The following MIPEP variants were observed in gnomAD, a reference collection of about 807,000 sequenced individuals.
MIPEP encodes the protein mitochondrial intermediate peptidase.
A neutral mutation model predicts 90.3 loss-of-function variants in MIPEP; 79 were observed. That is an observed-to-expected ratio of 0.87 (90% confidence interval 0.73 to 1.05). MIPEP has a LOEUF of 1.05. MIPEP is among the 50% of genes least tolerant of loss of function. MIPEP has a pLI of 0.00. For synonymous variants in MIPEP, 334 were observed against 315.8 expected (o/e 1.06, Z -0.61); for missense variants, 940 against 905.6 (o/e 1.04, Z -0.49).
At chr13:23,755,315 A>G (rs527697845) in intron 18 of MIPEP, among the ~76,000 whole-genome samples, 2 of 152,330 alleles carry the variant, frequency 1.3e-5, no homozygotes, top group South Asian at 4.1e-4. Context: ...GCACTTCACA[A>G]ATATTTGCTG....
chr13:23,805,403 A>T (rs1042804259), intron 16 of MIPEP, among the ~76,000 whole-genome samples: 6 of 152,204 alleles, frequency 3.9e-5, no homozygotes, highest in Non-Finnish European at 8.8e-5. Context: ...ATATAATTTA[A>T]TTTATAAGGT....
chr13:23,749,721 G>A (rs75353297), intron 18 of MIPEP, among the ~76,000 whole-genome samples: 4,068 of 152,154 alleles, frequency 0.027, 175 homozygotes, highest in African/African-American at 0.091. Context: ...TATAACAACT[G>A]AAGCACGGAG....
At chr13:23,796,648 C>T (rs1296152550) in intron 16 of MIPEP, among the ~76,000 whole-genome samples, 2 of 151,998 alleles carry the variant, frequency 1.3e-5, no homozygotes, top group Admixed American at 1.3e-4. Flanking sequence ...TCTCTGCACT[C>T]TTCCATTATA....
intron 10 of MIPEP, among the ~76,000 whole-genome samples, chr13:23,846,301 C>T (rs7318721): frequency 1.3e-5 from 2 of 151,918 alleles, no homozygotes; most frequent in Admixed American, 1.3e-4. Context: ...GGGGGAATAG[C>T]TGCTATTAGT....
chr13:23,816,011 C>A (rs1335000292), intron 14 of MIPEP, among the ~76,000 whole-genome samples: 2 of 152,134 alleles, frequency 1.3e-5, no homozygotes, highest in Non-Finnish European at 2.9e-5. Flanking sequence ...TAGTTTTGAA[C>A]GAAAAGTCTA....
intron 14 of MIPEP, among the ~76,000 whole-genome samples, chr13:23,822,496 TC>T (rs1361717348): frequency 6.6e-6 from 1 of 152,190 alleles, no homozygotes; most frequent in African/African-American, 2.4e-5. Flanking sequence ...ATTCATCCTA[TC>T]CCGATGATGC....
chr13:23,858,513 G>A (rs1029777315), intron 10 of MIPEP, among the ~76,000 whole-genome samples: 1 of 143,126 alleles, frequency 7.0e-6, no homozygotes, highest in Non-Finnish European at 1.5e-5. Context: ...GTAGTACCAC[G>A]CCATGTACCA....
At chr13:23,885,392 G>C (rs1286837501) in intron 2 of MIPEP, among the ~76,000 whole-genome samples, 1 of 152,090 alleles carries the variant, frequency 6.6e-6, no homozygotes, top group Non-Finnish European at 1.5e-5. Flanking sequence ...GCACAACAGG[G>C]TGACTACAGT....
At chr13:23,829,296 C>T (rs980725756) in intron 14 of MIPEP, among the ~76,000 whole-genome samples, 2 of 152,116 alleles carry the variant, frequency 1.3e-5, no homozygotes, top group African/African-American at 2.4e-5. Context: ...GGGAAGATTG[C>T]TTGAGGCCAG....
At chr13:23,757,675 A>G (rs1481171106) in intron 17 of MIPEP, among the ~76,000 whole-genome samples, 1 of 152,142 alleles carries the variant, frequency 6.6e-6, no homozygotes, top group Non-Finnish European at 1.5e-5. Context: ...TGTGCGGGTG[A>G]TAAAGGCACA....
Position 23,805,968 on chromosome 13 carries a change from T to C in MIPEP, c.1830A>G (p.Leu610=). The change falls in exon 16 of 19, where the codon CTA becomes CTG. Residue 610 remains leucine, a synonymous_variant. Coordinates refer to ENST00000382172, the MANE Select transcript of MIPEP (RefSeq NM_005932.4). The part of the protein sequence containing the change: ...LKETQEKFYG[L]PYVPNTAWQL... ...GACTCACAGTATTTGGAACATATGGTAGGCCATAGAATTTCTCTTGTGTTT... is the reference window on the plus strand; with the variant it reads ...GACTCACAGTATTTGGAACATATGGCAGGCCATAGAATTTCTCTTGTGTTT... The C allele has an allele frequency of 6.2e-7, 1 of 1,614,012 alleles. No homozygotes were observed. The highest frequency in any genetic ancestry group is 8.5e-7 in the Non-Finnish European group (1 of 1,179,936).
chr13:23,888,579 C>T (rs1871627393), intron 1 of MIPEP: 1 of 431,624 alleles, frequency 2.3e-6, no homozygotes, highest in Non-Finnish European at 3.1e-6. Flanking sequence ...GGAAGTGAGA[C>T]TCGTCTCAAC....
intron 15 of MIPEP, among the ~76,000 whole-genome samples, chr13:23,806,716 A>C (rs369388095): frequency 6.8e-5 from 10 of 147,154 alleles, no homozygotes; most frequent in Non-Finnish European, 1.5e-4. Context: ...AAAAAAATCT[A>C]TATCTATCTA....
At chr13:23,763,605 T>G (rs1039672835) in intron 16 of MIPEP, among the ~76,000 whole-genome samples, 1 of 152,300 alleles carries the variant, frequency 6.6e-6, no homozygotes, top group Non-Finnish European at 1.5e-5. Flanking sequence ...CATCAGCTCA[T>G]AACTGAGTTC....
intron 16 of MIPEP, among the ~76,000 whole-genome samples, chr13:23,766,990 G>A (rs1384379286): frequency 2.6e-5 from 4 of 152,236 alleles, no homozygotes; most frequent in African/African-American, 9.6e-5. Context: ...AGGTGACCAT[G>A]TTGGGAAAGC....
At chr13:23,835,640 T>A (rs1869002809) in intron 14 of MIPEP, among the ~76,000 whole-genome samples, 2 of 152,218 alleles carry the variant, frequency 1.3e-5, no homozygotes, top group South Asian at 4.1e-4. Context: ...TCTTCCAATG[T>A]ACACATGGAC....
chr13:23,806,204 C>T, intron 15 of MIPEP, 135 bp from the exon 16 acceptor site: 1 of 892,192 alleles, frequency 1.1e-6, no homozygotes, highest in South Asian at 1.5e-5. Context: ...AATAAACTTA[C>T]ATGGTTTGAA....
At chr13:23,883,482 CAA>C (rs1468649150) in intron 2 of MIPEP, among the ~76,000 whole-genome samples, 1 of 152,134 alleles carries the variant, frequency 6.6e-6, no homozygotes, top group South Asian at 2.1e-4. Context: ...CACAGATGCT[CAA>C]GTCTCTGATA....
chr13:23,814,263 A>AT (rs972071584), intron 14 of MIPEP, among the ~76,000 whole-genome samples: 54 of 149,050 alleles, frequency 3.6e-4, no homozygotes, highest in Admixed American at 1.7e-3. Context: ...TTAAAAACAA[A>AT]TTTTTTTTTT....
Sources: allele counts gnomAD v4.1 joint callset (sites outside exome capture counted in the v4.1 genomes callset), GRCh38; gene constraint gnomAD v4.1.1; transcripts MANE v1.5; gene names NCBI Gene and HGNC (gene_info 2026-07-23, HGNC 2026-07-21).